Variants in MEIOB observed in about 807,000 individuals in gnomAD.
The protein encoded by MEIOB is meiosis-specific with OB domain-containing protein.
MEIOB carries 50 observed loss-of-function variants against 53.1 expected under a neutral mutation model. That is an observed-to-expected ratio of 0.94 (90% CI 0.75 to 1.19). The LOEUF (loss-of-function observed/expected upper bound fraction) is 1.19. Ranked by LOEUF, MEIOB falls within the 50% of genes most tolerant of loss-of-function variation. The pLI, the probability that MEIOB is intolerant of heterozygous loss-of-function variation, is 0.00. For missense variants in MEIOB, 551 were observed against 550.8 expected (o/e 1.00, Z 0.00); for synonymous variants, 192 against 182.5 (o/e 1.05, Z -0.42).
intron 2 of MEIOB, among the ~76,000 whole-genome samples, chr16:1,867,454 ATGG>A (rs1158139875): frequency 7.0e-6 from 1 of 142,106 alleles, no homozygotes; most frequent in Non-Finnish European, 1.5e-5. Context: ...GCTGAACAAA[ATGG>A]TTTAATTTTT....
intron 6 of MEIOB, among the ~76,000 whole-genome samples, chr16:1,855,291 G>A (rs192229878): frequency 6.6e-6 from 1 of 152,174 alleles, no homozygotes; most frequent in Admixed American, 6.6e-5. Context: ...AATTAGCTGG[G>A]CATGGTGGTA....
intron 11 of MEIOB, 46 bp from the exon 12 acceptor site, chr16:1,839,484 C>CAGATG: frequency 6.6e-7 from 1 of 1,506,062 alleles, no homozygotes; most frequent in Non-Finnish European, 9.0e-7. Flanking sequence ...CCCTAAGCTA[C>CAGATG]AAATTTCATC....
At position 1,868,109 on chromosome 16, in the gene MEIOB, G is replaced by C; in HGVS notation, c.67C>G (p.Leu23Val). 4 of 1,502,216 alleles carry C rather than the reference G, an allele frequency of 2.7e-6. No individual in the cohort carries two copies. Among genetic ancestry groups the C allele is most frequent in the Non-Finnish European group, 3.6e-6 (4 of 1,106,012 alleles). 93.1% of individuals were successfully genotyped at this position (1,502,216 alleles called of 1,614,324 possible). Residue 23 changes from leucine (L) to valine (V), a missense_variant and splice_region_variant, in exon 2 of 14, where the codon CTG (leucine) becomes GTG (valine). Coordinates refer to ENST00000325962, the MANE Select transcript of MEIOB (RefSeq NM_001163560.3). ...LSDLQTNMAN[L>V]KVIGIVIGKT... ...ATCACCACATTATTGAAACCTACCA[G>C]ATTAGCCATATTTGTCTGCAGATCT... is the stretch of plus-strand genomic sequence containing the variant.
chr16:1,834,394 A>G (rs750566787), intron 13 of MEIOB, 28 bp from the exon 14 acceptor site: 1 of 1,261,910 alleles, frequency 7.9e-7, no homozygotes, highest in Non-Finnish European at 1.1e-6. Context: ...AAAAGAGACA[A>G]AAGGTTAATT....
chr16:1,850,131 ATCTG>A (rs1408555448), intron 9 of MEIOB, among the ~76,000 whole-genome samples: 1 of 152,178 alleles, frequency 6.6e-6, no homozygotes, highest in Non-Finnish European at 1.5e-5. Flanking sequence ...ATCCTATAAT[ATCTG>A]TCTCATTAAT....
intron 13 of MEIOB, among the ~76,000 whole-genome samples, chr16:1,835,928 C>A (rs1198495564): frequency 6.7e-6 from 1 of 148,656 alleles, no homozygotes; most frequent in Non-Finnish European, 1.5e-5. Context: ...GGTGAGATCT[C>A]GGCTCACTGC....
In MEIOB at chr16:1,846,014, A is replaced by T. The variant is rs573739883; in HGVS notation, c.779-1051T>A. On this transcript the variant is annotated intron_variant, in intron 9 of 13. Transcript: ENST00000325962. ...TTCTTTCTCAGAACTAGGTTGTCAA[A>T]TCCTTGCCAGCACGCAGTGTCCCAC... Among the ~76,000 whole-genome samples, 3 of 152,238 alleles carry T rather than the reference A, an allele frequency of 2.0e-5. No homozygotes were observed. In the East Asian group the frequency reaches 5.8e-4, roughly 29 times the overall value.
At chr16:1,850,973 C>T (rs1418406818) in intron 9 of MEIOB, among the ~76,000 whole-genome samples, 1 of 151,834 alleles carries the variant, frequency 6.6e-6, no homozygotes, top group Non-Finnish European at 1.5e-5. Flanking sequence ...TACATAGTAC[C>T]TCCCTCCAGG....
At chr16:1,861,528 T>C (rs1596982337) in intron 4 of MEIOB, among the ~76,000 whole-genome samples, 1 of 151,064 alleles carries the variant, frequency 6.6e-6, no homozygotes, top group Non-Finnish European at 1.5e-5. Context: ...ATGCCTCGCA[T>C]TGCAGTCTTT....
At chr16:1,856,706 C>T (rs1899315903) in intron 6 of MEIOB, among the ~76,000 whole-genome samples, 1 of 151,298 alleles carries the variant, frequency 6.6e-6, no homozygotes, top group Non-Finnish European at 1.5e-5. Context: ...GTGATCCACC[C>T]GCCTCAGCCT....
intron 4 of MEIOB, among the ~76,000 whole-genome samples, chr16:1,861,561 G>A (rs77709803): frequency 4.1e-5 from 1 of 24,466 alleles, no homozygotes; most frequent in Non-Finnish European, 8.5e-5. Flanking sequence ...TTTTTTTTTT[G>A]AGACAGGGTC....
intron 2 of MEIOB, among the ~76,000 whole-genome samples, chr16:1,867,190 A>T (rs536251344): frequency 1.8e-4 from 27 of 152,280 alleles, no homozygotes; most frequent in African/African-American, 6.3e-4. Context: ...GGGGCAGGGA[A>T]GGTAAGGGTG....
chr16:1,845,037 C>A (rs1259233943), intron 9 of MEIOB, 74 bp from the exon 10 acceptor site: 2 of 681,402 alleles, frequency 2.9e-6, no homozygotes, highest in African/African-American at 1.8e-5. Flanking sequence ...CATCCAAAAT[C>A]ATTTTAATAG....
intron 6 of MEIOB, 87 bp downstream of exon 6, chr16:1,857,648 A>T (rs955828561): frequency 5.9e-6 from 6 of 1,010,188 alleles, no homozygotes; most frequent in East Asian, 5.3e-5. Flanking sequence ...ACCCCAGCTG[A>T]TCGTGACCAC....
At chr16:1,861,520 G>A (rs1201103703) in intron 4 of MEIOB, among the ~76,000 whole-genome samples, 1 of 149,112 alleles carries the variant, frequency 6.7e-6, no homozygotes, top group Non-Finnish European at 1.5e-5. Context: ...CATTCTGAAT[G>A]CCTCGCATTG....
intron 10 of MEIOB, among the ~76,000 whole-genome samples, chr16:1,842,395 A>T (rs1012681951): frequency 2.7e-5 from 4 of 150,666 alleles, no homozygotes; most frequent in Admixed American, 6.6e-5. Flanking sequence ...TGGGCAGATC[A>T]CCTGAGGTTG....
intron 6 of MEIOB, among the ~76,000 whole-genome samples, chr16:1,855,395 G>T (rs1024461255): frequency 7.9e-5 from 12 of 151,884 alleles, no homozygotes; most frequent in African/African-American, 2.9e-4. Flanking sequence ...TCACGCCACT[G>T]CACTCTGCAC....
At chr16:1,837,102 A>T (rs1411164166) in intron 13 of MEIOB, among the ~76,000 whole-genome samples, 1 of 152,108 alleles carries the variant, frequency 6.6e-6, no homozygotes, top group Non-Finnish European at 1.5e-5. Context: ...TGACACCTTG[A>T]ACACAAAGAC....
chr16:1,857,147 A>G (rs1899327939), intron 6 of MEIOB, among the ~76,000 whole-genome samples: 2 of 152,286 alleles, frequency 1.3e-5, no homozygotes, highest in South Asian at 4.1e-4. Context: ...CTGTCCAACT[A>G]CAGAGCTCAG....
Sources: allele counts gnomAD v4.1 joint callset (sites outside exome capture counted in the v4.1 genomes callset), GRCh38; gene constraint gnomAD v4.1.1; transcripts MANE v1.5; gene names NCBI Gene and HGNC (gene_info 2026-07-23, HGNC 2026-07-21).